Variants in LEKR1 observed in about 807,000 individuals in gnomAD.
LEKR1 encodes protein LEKR1.
Under a neutral mutation model 72.4 loss-of-function variants are expected in LEKR1, and 59 were observed. The ratio of observed to expected loss-of-function variants is 0.82; its 90% CI spans 0.66 to 1.01. The LOEUF is 1.01. Ranked by LOEUF, LEKR1 falls within the 50% of genes least tolerant of loss-of-function variation. The probability of loss-of-function intolerance (pLI) is 0.00; values close to 1 mark genes in which losing one functional copy is unlikely to be tolerated. For missense variants in LEKR1, 728 were observed against 759.2 expected (o/e 0.96, Z 0.48); for synonymous variants, 257 against 263.2 (o/e 0.98, Z 0.23).
intron 6 of LEKR1, among the ~76,000 whole-genome samples, chr3:156,948,943 G>A (rs1169097487): frequency 1.3e-5 from 2 of 150,828 alleles, no homozygotes; most frequent in East Asian, 1.9e-4. Flanking sequence ...TTTCCTATTT[G>A]GCCTCATGTA....
At chr3:156,883,370 T>A (rs1719692861) in intron 3 of LEKR1, among the ~76,000 whole-genome samples, 1 of 152,178 alleles carries the variant, frequency 6.6e-6, no homozygotes, top group African/African-American at 2.4e-5. Flanking sequence ...CTGTCTCAGA[T>A]GAGACTTTGG....
chr3:156,966,994 C>T (rs962775791), intron 6 of LEKR1, among the ~76,000 whole-genome samples: 9 of 152,296 alleles, frequency 5.9e-5, no homozygotes, highest in East Asian at 5.8e-4. Context: ...CTGCAGCCTC[C>T]GCTGCTGATA....
intron 7 of LEKR1, chr3:156,979,562 GT>G (rs1729997904): frequency 6.1e-6 from 1 of 165,160 alleles, no homozygotes; most frequent in Non-Finnish European, 1.3e-5. Flanking sequence ...TTCCCTGATA[GT>G]TCAAATGCAG....
intron 3 of LEKR1, among the ~76,000 whole-genome samples, chr3:156,893,519 G>T (rs946264661): frequency 1.3e-5 from 2 of 152,056 alleles, no homozygotes; most frequent in African/African-American, 4.8e-5. Flanking sequence ...AGGTCATGGG[G>T]GTAGATCCCT....
chr3:156,878,165 G>T (rs1383783194), intron 3 of LEKR1, among the ~76,000 whole-genome samples: 1 of 151,670 alleles, frequency 6.6e-6, no homozygotes, highest in Non-Finnish European at 1.5e-5. Flanking sequence ...TTTTCTGCTG[G>T]GTTTGGGTTT....
chr3:156,880,883 GA>G (rs1285427965), intron 3 of LEKR1, among the ~76,000 whole-genome samples: 2 of 152,006 alleles, frequency 1.3e-5, no homozygotes, highest in Non-Finnish European at 2.9e-5. Context: ...CATATAAACA[GA>G]ACCAAAAACA....
At chr3:156,859,284 C>A (rs1026606025) in intron 3 of LEKR1, among the ~76,000 whole-genome samples, 1 of 152,102 alleles carries the variant, frequency 6.6e-6, no homozygotes, top group Non-Finnish European at 1.5e-5. Context: ...AAATTAAGTT[C>A]ATGGGGGTAT....
intron 10 of LEKR1, among the ~76,000 whole-genome samples, chr3:157,014,591 TA>T (rs1312596777): frequency 6.6e-6 from 1 of 151,928 alleles, no homozygotes; most frequent in African/African-American, 2.4e-5. Flanking sequence ...TTGTTATTTA[TA>T]AAATATCAAT....
At chr3:156,943,482 C>G (rs556745979) in intron 6 of LEKR1, among the ~76,000 whole-genome samples, 1 of 151,998 alleles carries the variant, frequency 6.6e-6, no homozygotes, top group South Asian at 2.1e-4. Context: ...TCCTATCTTA[C>G]AGAGGAGAGA....
chr3:157,017,721 G>A (rs1733466821), intron 10 of LEKR1: 1 of 152,018 alleles, frequency 6.6e-6, no homozygotes, highest in Non-Finnish European at 1.5e-5. Flanking sequence ...GGCGGATCAC[G>A]AGGTCAGGAG....
In LEKR1 at chr3:156,992,633, C is replaced by T. The variant is rs1731226760; in HGVS notation, c.828-20C>T. 2.0e-6 allele frequency: 1 copy of T among 500,036 alleles called. No individual in the cohort carries two copies. Among genetic ancestry groups the T allele is most frequent in the Non-Finnish European group, 3.0e-6 (1 of 338,900 alleles). 31.0% of individuals were successfully genotyped at this position (500,036 alleles called of 1,614,324 possible). A position where few individuals can be genotyped will look rare whatever the true frequency, so the allele number is the denominator to read the frequency against. On this transcript the variant is annotated intron_variant, in intron 7 of 12. Coordinates refer to ENST00000356539, the MANE Select transcript of LEKR1 (RefSeq NM_001004316.3). ...TTTATTTTGAAATAATATATTTTAA[C>T]TTCTTTTGTATTATTTTAGGAATAA... is the stretch of plus-strand genomic sequence containing the variant.
At chr3:156,853,127 T>C (rs557884014) in intron 3 of LEKR1, 145 bp downstream of exon 3, 1 of 385,270 alleles carries the variant, frequency 2.6e-6, no homozygotes, top group South Asian at 1.2e-4. Flanking sequence ...ATATTAATAA[T>C]TACTAAATAT....
At chr3:156,972,964 C>A (rs1051612496) in intron 6 of LEKR1, among the ~76,000 whole-genome samples, 5 of 151,772 alleles carry the variant, frequency 3.3e-5, no homozygotes, top group Non-Finnish European at 5.9e-5. Context: ...TAGTGTGAAA[C>A]CTAGCTACAA....
At chr3:156,951,964 TG>T (rs909744907) in intron 6 of LEKR1, among the ~76,000 whole-genome samples, 10 of 151,708 alleles carry the variant, frequency 6.6e-5, no homozygotes, top group African/African-American at 2.4e-4. Context: ...TTTTTACTAT[TG>T]GGTATAGTAT....
intron 3 of LEKR1, among the ~76,000 whole-genome samples, chr3:156,908,692 C>A (rs1722784493): frequency 6.6e-6 from 1 of 152,122 alleles, no homozygotes; most frequent in Admixed American, 6.6e-5. Flanking sequence ...CTAAAATGCC[C>A]TGATTTCTTT....
chr3:156,881,553 A>G (rs1719346429), intron 3 of LEKR1, among the ~76,000 whole-genome samples: 1 of 151,350 alleles, frequency 6.6e-6, no homozygotes, highest in African/African-American at 2.4e-5. Flanking sequence ...AAGAATCAAT[A>G]TCATGAAAAT....
intron 6 of LEKR1, among the ~76,000 whole-genome samples, chr3:156,943,382 C>CA: frequency 6.6e-6 from 1 of 151,844 alleles, no homozygotes; most frequent in Admixed American, 6.6e-5. Flanking sequence ...GAAGGGAACT[C>CA]ACATTTTTTT....
intron 3 of LEKR1, among the ~76,000 whole-genome samples, chr3:156,864,451 CAGT>C (rs1271831448): frequency 1.3e-5 from 2 of 151,988 alleles, no homozygotes; most frequent in African/African-American, 4.8e-5. Context: ...TCTTTTCCAA[CAGT>C]ATTTCCTCAG....
At chr3:156,883,440 G>A (rs1180651128) in intron 3 of LEKR1, among the ~76,000 whole-genome samples, 1 of 152,168 alleles carries the variant, frequency 6.6e-6, no homozygotes, top group South Asian at 2.1e-4. Flanking sequence ...TGTTGAGAAG[G>A]CGTGATTGGT....
Sources: gnomAD v4.1 joint callset for allele counts (sites outside exome capture counted in the v4.1 genomes callset) on GRCh38, gnomAD v4.1.1 for gene constraint, MANE v1.5 for transcripts, NCBI Gene and HGNC (gene_info 2026-07-23, HGNC 2026-07-21) for gene names.